Variants in RXFP1 observed in about 807,000 individuals in gnomAD.
RXFP1 encodes the protein relaxin receptor 1.
In RXFP1, 73 loss-of-function variants were observed where a neutral mutation model predicts 89.8. That is an observed-to-expected ratio of 0.81 (90% CI 0.67 to 0.99). The LOEUF (loss-of-function observed/expected upper bound fraction) is 0.99, where lower values mean the gene tolerates loss of function less well. Ranked by LOEUF, RXFP1 falls within the 50% of genes least tolerant of loss-of-function variation. RXFP1 has a pLI of 0.00. For synonymous variants in RXFP1, 277 were observed against 305.5 expected, an observed-to-expected ratio of 0.91 and a Z score of 0.97; for missense variants, 793 against 895.5, an observed-to-expected ratio of 0.89 and a Z score of 1.46.
chr4:158,563,915 CAT>C (rs1561017991), intron 1 of RXFP1, among the ~76,000 whole-genome samples: 1 of 146,660 alleles, frequency 6.8e-6, no homozygotes, highest in Non-Finnish European at 1.5e-5. Context: ...ATATATATAA[CAT>C]AACATAATAT....
At chr4:158,605,163 T>C (rs1269319368) in intron 5 of RXFP1, 24 bp downstream of exon 5, 1 of 1,440,184 alleles carries the variant, frequency 6.9e-7, no homozygotes, top group African/African-American at 1.4e-5. Flanking sequence ...TAATTCCTGG[T>C]ATTACAATTA....
intron 1 of RXFP1, among the ~76,000 whole-genome samples, chr4:158,568,428 A>G (rs1330278732): frequency 1.3e-5 from 2 of 152,252 alleles, no homozygotes; most frequent in African/African-American, 2.4e-5. Flanking sequence ...GGCCAGTTAA[A>G]ACATCTTCAA....
chr4:158,551,623 T>A (rs1439817015), intron 1 of RXFP1, among the ~76,000 whole-genome samples: 2 of 152,178 alleles, frequency 1.3e-5, no homozygotes, highest in Non-Finnish European at 2.9e-5. Context: ...TATGTACAAC[T>A]TTTATTTCTC....
At chr4:158,616,098 A>G (rs1346900254) in intron 8 of RXFP1, among the ~76,000 whole-genome samples, 1 of 152,220 alleles carries the variant, frequency 6.6e-6, no homozygotes, top group Non-Finnish European at 1.5e-5. Context: ...AAAATGCACT[A>G]TCTGCAAAGT....
chr4:158,526,069 C>T (rs1742429745), intron 1 of RXFP1, among the ~76,000 whole-genome samples: 1 of 152,240 alleles, frequency 6.6e-6, no homozygotes, highest in Non-Finnish European at 1.5e-5. Context: ...AAATCCAGGG[C>T]TTCCACCACC....
chr4:158,640,342 G>C (rs1388294382), intron 14 of RXFP1, among the ~76,000 whole-genome samples: 1 of 152,154 alleles, frequency 6.6e-6, no homozygotes, highest in Non-Finnish European at 1.5e-5. Context: ...TTACTACAAA[G>C]GAATATCGGA....
intron 2 of RXFP1, among the ~76,000 whole-genome samples, chr4:158,583,512 A>G (rs1290089469): frequency 2.6e-5 from 4 of 152,258 alleles, no homozygotes; most frequent in Admixed American, 1.3e-4. Flanking sequence ...TGTACCCATA[A>G]AAATTAAAAA....
intron 1 of RXFP1, among the ~76,000 whole-genome samples, chr4:158,565,127 A>C (rs765299843): frequency 7.2e-5 from 11 of 152,220 alleles, no homozygotes; most frequent in Non-Finnish European, 1.0e-4. Flanking sequence ...GAGAGTCTGC[A>C]CTGAGTAAGG....
Position 158,603,019 on chromosome 4 carries a change from C to T in RXFP1, c.393-2049C>T, listed in dbSNP as rs1297214354. Among the ~76,000 whole-genome samples the T allele has an allele frequency of 3.9e-5, 6 of 152,202 alleles. No homozygotes were observed. The East Asian group carries it at 1.2e-3, about 29-fold the overall frequency. ...AATCACAGCTCACTGCAGCCTTGAC[C>T]TCTGAGGCTCAGGTGATCCTCCTGC... On this transcript the variant is annotated intron_variant, in intron 4 of 17. Coordinates refer to ENST00000307765, the MANE Select transcript of RXFP1 (RefSeq NM_021634.4).
At chr4:158,621,144 A>T (rs1765555162) in intron 9 of RXFP1, among the ~76,000 whole-genome samples, 1 of 152,138 alleles carries the variant, frequency 6.6e-6, no homozygotes, top group Non-Finnish European at 1.5e-5. Context: ...TCAAAAAAAA[A>T]ATAAAAAATA....
At position 158,602,888 on chromosome 4, in the gene RXFP1, A is replaced by G. The variant is rs140800726; in HGVS notation, c.393-2180A>G. On this transcript the variant is annotated intron_variant, in intron 4 of 17. Transcript: ENST00000307765. ...CAGAACACATTTTTAAGGACACACT[A>G]AACTTTCATCTATATCCTTAAATCA... 2.9e-3 allele frequency among the ~76,000 whole-genome samples: 440 copies of G among 152,258 alleles called. 2 individuals carry two copies. Among genetic ancestry groups the G allele is most frequent in the African/African-American group, 9.7e-3 (405 of 41,566 alleles).
rs147244643 is a variant in RXFP1, at chr4:158,605,538, G to A, written c.464+399G>A. Reference sequence around the variant, plus strand: ...GAAAGTGAAGAATTTTCTTCCATGTGTTTTCAAATTCATTATCCACCTAAA... The same window carrying A: ...GAAAGTGAAGAATTTTCTTCCATGTATTTTCAAATTCATTATCCACCTAAA... On this transcript the variant is annotated intron_variant, in intron 5 of 17. Coordinates refer to ENST00000307765, the MANE Select transcript of RXFP1 (RefSeq NM_021634.4). Among the ~76,000 whole-genome samples the A allele has an allele frequency of 5.0e-3, 761 of 152,296 alleles. 9 individuals carry two copies. Among genetic ancestry groups the A allele is most frequent in the Admixed American group, 0.017 (254 of 15,298 alleles).
chr4:158,521,957 A>C lies in RXFP1; in HGVS notation c.-20A>C, dbSNP rs780787464. Reference sequence around the variant, plus strand: ...CAAATTTTGCTCACTTTCATTAATCAGTTGCTCAGATAGAAGGAAATGACA... The same window carrying C: ...CAAATTTTGCTCACTTTCATTAATCCGTTGCTCAGATAGAAGGAAATGACA... On this transcript the variant is annotated 5_prime_UTR_variant, in exon 1 of 18. Transcript: ENST00000307765. 6.2e-7 allele frequency: 1 copy of C among 1,600,968 alleles called. No homozygotes were observed. Among genetic ancestry groups the C allele is most frequent in the African/African-American group, 1.3e-5 (1 of 74,550 alleles).
intron 2 of RXFP1, 42 bp downstream of exon 2, chr4:158,572,877 A>G (rs773339770): frequency 6.2e-7 from 1 of 1,606,010 alleles, no homozygotes; most frequent in Non-Finnish European, 8.5e-7. Flanking sequence ...AAAGGAGCAG[A>G]AAGGACTGAA....
In RXFP1 at chr4:158,536,985, A is replaced by C. The variant is rs931208554; in HGVS notation, c.49+14960A>C. ...TTGTTTACTGTTTCCAAAAAAAGTG[A>C]CTTCTATGCCAATTTGTCAATTTAT... is the stretch of plus-strand genomic sequence containing the variant. On this transcript the variant is annotated intron_variant, in intron 1 of 17. Coordinates refer to ENST00000307765, the MANE Select transcript of RXFP1 (RefSeq NM_021634.4). Among the ~76,000 whole-genome samples the C allele has an allele frequency of 8.6e-5, 13 of 151,064 alleles. 1 individual carries two copies. The highest frequency in any genetic ancestry group is 1.6e-4 in the Non-Finnish European group (11 of 67,910).
chr4:158,595,885 A>C (rs1462299110), intron 3 of RXFP1, among the ~76,000 whole-genome samples: 1 of 152,048 alleles, frequency 6.6e-6, no homozygotes, highest in South Asian at 2.1e-4. Context: ...AGTGGCTCAC[A>C]CTTATAATCC....
At chr4:158,526,209 A>C (rs895974919) in intron 1 of RXFP1, among the ~76,000 whole-genome samples, 19 of 152,390 alleles carry the variant, frequency 1.2e-4, no homozygotes, top group Admixed American at 5.9e-4. Context: ...CTGATGAATT[A>C]GTATATGTAA....
intron 8 of RXFP1, among the ~76,000 whole-genome samples, 157 bp downstream of exon 8, chr4:158,612,519 T>G (rs547639342): frequency 6.6e-6 from 1 of 152,208 alleles, no homozygotes; most frequent in Non-Finnish European, 1.5e-5. Context: ...TAAGGCTATT[T>G]ATAGTTCCAA....
chr4:158,646,377 A>T (rs1771547989), intron 15 of RXFP1: 3 of 671,720 alleles, frequency 4.5e-6, no homozygotes, highest in Non-Finnish European at 7.0e-6. Context: ...TGACACCTTG[A>T]GCTTGTTGCG....
Sources: gnomAD v4.1 joint callset for allele counts (sites outside exome capture counted in the v4.1 genomes callset) on GRCh38, gnomAD v4.1.1 for gene constraint, MANE v1.5 for transcripts, NCBI Gene and HGNC (gene_info 2026-07-23, HGNC 2026-07-21) for gene names.